OPHN1: variants seen among roughly 807,000 people sequenced by gnomAD.
OPHN1 encodes the protein oligophrenin 1.
A neutral mutation model predicts 60.7 loss-of-function variants in OPHN1; 11 were observed. The observed-to-expected ratio is 0.18, with a 90% CI of 0.11 to 0.30. The LOEUF (loss-of-function observed/expected upper bound fraction) is 0.30. OPHN1 is among the 10% of genes least tolerant of loss of function. OPHN1 has a pLI of 1.00. For missense variants in OPHN1, 449 were observed against 611.0 expected (o/e 0.73, Z 2.80); for synonymous variants, 226 against 222.6 (o/e 1.02, Z -0.14).
intron 5 of OPHN1, among the ~76,000 whole-genome samples, chrX:68,248,921 A>G (rs1041369929): frequency 8.9e-6 from 1 of 111,808 alleles, no homozygotes; most frequent in Non-Finnish European, 1.9e-5. Context: ...GACATAGGGT[A>G]TAGAAAGATG....
intron 2 of OPHN1, among the ~76,000 whole-genome samples, chrX:68,370,043 T>TAG (rs2078519936): frequency 1.1e-5 from 1 of 92,605 alleles, no homozygotes; most frequent in African/African-American, 4.5e-5. Context: ...TATATATATA[T>TAG]AGAACCTGTC....
intron 15 of OPHN1, among the ~76,000 whole-genome samples, chrX:68,132,668 G>A (rs2077200649): frequency 1.0e-5 from 1 of 96,793 alleles, no homozygotes; most frequent in Non-Finnish European, 2.0e-5. Flanking sequence ...CCTGCACAAT[G>A]TGCACATGTA....
At chrX:68,213,816 C>A (rs1398021906) in intron 7 of OPHN1, 46 bp downstream of exon 7, 2 of 734,486 alleles carry the variant, frequency 2.7e-6, no homozygotes, top group Admixed American at 4.9e-5. Flanking sequence ...ATTTACCAGG[C>A]ATTTGATAAA....
At chrX:68,266,380 T>A (rs1238461042) in intron 5 of OPHN1, among the ~76,000 whole-genome samples, 4 of 111,459 alleles carry the variant, frequency 3.6e-5, no homozygotes, top group Non-Finnish European at 7.5e-5. Flanking sequence ...TATTCAACAT[T>A]CTTAAGGAAA....
intron 15 of OPHN1, among the ~76,000 whole-genome samples, chrX:68,161,573 A>G (rs1312164520): frequency 9.0e-6 from 1 of 111,331 alleles, no homozygotes; most frequent in Non-Finnish European, 1.9e-5. Flanking sequence ...TAAAAAACAG[A>G]AAATAAAAAA....
chrX:68,223,640 C>G (rs1405963421), intron 6 of OPHN1, among the ~76,000 whole-genome samples: 4 of 111,155 alleles, frequency 3.6e-5, no homozygotes, highest in Non-Finnish European at 5.7e-5. Context: ...CAGACTTCAC[C>G]ACTATACAAT....
intron 2 of OPHN1, among the ~76,000 whole-genome samples, chrX:68,430,166 T>C (rs571450531): frequency 1.8e-5 from 2 of 112,459 alleles, no homozygotes; most frequent in South Asian, 7.4e-4. Flanking sequence ...AGCAAGAACA[T>C]AACTTTGTTT....
intron 4 of OPHN1, among the ~76,000 whole-genome samples, chrX:68,281,941 C>T (rs891717895): frequency 8.9e-6 from 1 of 112,238 alleles, no homozygotes; most frequent in Non-Finnish European, 1.9e-5. Flanking sequence ...ATGGAGCTGG[C>T]GAGGACATGG....
At chrX:68,332,711 CAGG>C (rs2078301857) in intron 2 of OPHN1, among the ~76,000 whole-genome samples, 1 of 110,306 alleles carries the variant, frequency 9.1e-6, no homozygotes, top group Non-Finnish European at 1.9e-5. Flanking sequence ...GAGAACAAAG[CAGG>C]AGATTTCTGG....
In OPHN1 at chrX:68,216,930, A is replaced by C. The variant is rs1041743871; in HGVS notation, c.487-2958T>G. 7.1e-5 allele frequency among the ~76,000 whole-genome samples: 8 copies of C among 112,405 alleles called. No homozygotes were observed. The East Asian group carries it at 2.0e-3, about 28-fold the overall frequency. ...AAATAGAAATTGGGGAGGAGCCAAG[A>C]TGGCCGAATAGGAACAGCTCCGGTC... On this transcript the variant is annotated intron_variant, in intron 6 of 24. Transcript: ENST00000355520.
At chrX:68,393,131 C>G (rs2147756678) in intron 2 of OPHN1, among the ~76,000 whole-genome samples, 1 of 112,269 alleles carries the variant, frequency 8.9e-6, no homozygotes, top group Non-Finnish European at 1.9e-5. Context: ...GCTCCGCTTC[C>G]CGTAAGGGGT....
At chrX:68,084,348 G>T (rs1371486497) in intron 19 of OPHN1, among the ~76,000 whole-genome samples, 4 of 74,011 alleles carry the variant, frequency 5.4e-5, no homozygotes, top group Non-Finnish European at 7.7e-5. Context: ...GGAGAGAGGG[G>T]AGAGGGAGGA....
intron 2 of OPHN1, among the ~76,000 whole-genome samples, chrX:68,419,609 C>T (rs1430949066): frequency 1.1e-4 from 11 of 103,073 alleles, no homozygotes; most frequent in Admixed American, 4.4e-4. Context: ...GGTGTGATCA[C>T]GGCTCACTGC....
At chrX:68,393,773 T>G (rs1229193208) in intron 2 of OPHN1, among the ~76,000 whole-genome samples, 2 of 110,090 alleles carry the variant, frequency 1.8e-5, no homozygotes, top group Non-Finnish European at 3.8e-5. Flanking sequence ...ATGGCCCTAT[T>G]TTTCACATGT....
At chrX:68,413,646 C>T (rs1219577049) in intron 2 of OPHN1, among the ~76,000 whole-genome samples, 1 of 111,500 alleles carries the variant, frequency 9.0e-6, no homozygotes, top group East Asian at 2.8e-4. Flanking sequence ...TGGCTCATAC[C>T]TGTAATCCCA....
chrX:68,224,869 G>A (rs748346358), intron 6 of OPHN1, among the ~76,000 whole-genome samples: 11 of 112,414 alleles, frequency 9.8e-5, no homozygotes, highest in South Asian at 3.7e-4. Flanking sequence ...ATCTCACTGC[G>A]GCTTGTTGGA....
intron 15 of OPHN1, among the ~76,000 whole-genome samples, chrX:68,153,396 G>C (rs778632052): frequency 1.8e-5 from 2 of 110,955 alleles, no homozygotes; most frequent in South Asian, 3.8e-4. Context: ...GGTGAGTTTT[G>C]GTAGAGCTGA....
At chrX:68,137,249 T>C (rs1015144312) in intron 15 of OPHN1, among the ~76,000 whole-genome samples, 1 of 111,688 alleles carries the variant, frequency 9.0e-6, no homozygotes, top group South Asian at 3.8e-4. Context: ...TAAAGACGTG[T>C]TGGGCTTGTG....
chrX:68,132,924 C>T, intron 15 of OPHN1: 3 of 373,331 alleles, frequency 8.0e-6, no homozygotes, highest in Non-Finnish European at 1.4e-5. Context: ...TGCTGAGTCC[C>T]TGCTTCCCCG....
Sources: gnomAD v4.1 joint callset for allele counts (sites outside exome capture counted in the v4.1 genomes callset) on GRCh38, gnomAD v4.1.1 for gene constraint, MANE v1.5 for transcripts, NCBI Gene and HGNC (gene_info 2026-07-23, HGNC 2026-07-21) for gene names.